The following TMEM151B variants were observed in gnomAD, a reference collection of about 807,000 sequenced individuals.
TMEM151B encodes the protein transmembrane protein 151B, also known as transmembrane protein 193.
Under a neutral mutation model 33.0 loss-of-function variants are expected in TMEM151B, and 18 were observed. The observed-to-expected ratio is 0.55, with a 90% confidence interval of 0.38 to 0.81. TMEM151B has a LOEUF of 0.81. Ranked by LOEUF, TMEM151B falls within the 30% of genes least tolerant of loss-of-function variation. TMEM151B has a pLI of 0.00. For missense variants in TMEM151B, 672 were observed against 843.4 expected (o/e 0.80, Z 2.52); for synonymous variants, 354 against 373.6 (o/e 0.95, Z 0.61).
chr6:44,274,719 G>A (rs1415256377), intron 2 of TMEM151B, among the ~76,000 whole-genome samples: 6 of 152,252 alleles, frequency 3.9e-5, no homozygotes, highest in African/African-American at 1.4e-4. Context: ...TTGTGGTGAT[G>A]TGGGGGCACT....
rs542183426 is a variant in TMEM151B, at chr6:44,273,106, G to A, written c.176G>A (p.Arg59His). The A allele has an allele frequency of 1.7e-5, 26 of 1,514,872 alleles. No homozygotes were observed. In the Admixed American group the frequency reaches 3.8e-4, roughly 22 times the overall value. 93.8% of individuals were successfully genotyped at this position (1,514,872 alleles called of 1,614,324 possible). A position where few individuals can be genotyped will look rare whatever the true frequency, so the allele number is the denominator to read the frequency against. Reference sequence around the variant, plus strand: ...CCCTCTTTCACCAAGTCCCTCTGCCGTGAGTCCCACTGGAAGTGCCTCCTG... The same window carrying A: ...CCCTCTTTCACCAAGTCCCTCTGCCATGAGTCCCACTGGAAGTGCCTCCTG... Reference protein sequence around the residue: ...IQPSFTKSLCRESHWKCLLLS... With the variant: ...IQPSFTKSLCHESHWKCLLLS... The change falls in exon 2 of 3, where the codon CGT becomes CAT. Residue 59 changes from arginine (R) to histidine (H), a missense_variant. Arg to His is a conservative substitution (Grantham distance 29, BLOSUM62 0). Transcript: ENST00000451188.
chr6:44,271,370 G>GGGGGGA (rs1561916711), intron 1 of TMEM151B, among the ~76,000 whole-genome samples: 846 of 61,140 alleles, frequency 0.014, 82 homozygotes, highest in African/African-American at 0.056. Flanking sequence ...TGTGTGTGTG[G>GGGGGGA]GGGGGGGTGT....
Position 44,278,362 on chromosome 6 carries a change from C to T in TMEM151B, c.*1835C>T, listed in dbSNP as rs1170703736. ...TTCCTGGACAGCAGTGCCCACCTGC[C>T]TACTAGCACTGAACCTGCCTGGACC... On this transcript the variant is annotated 3_prime_UTR_variant, in exon 3 of 3. Transcript: ENST00000451188. The T allele has an allele frequency of 6.5e-6, 1 of 153,542 alleles. No homozygotes were observed. Among genetic ancestry groups the T allele is most frequent in the Non-Finnish European group, 1.5e-5 (1 of 68,290 alleles). 9.5% of individuals were successfully genotyped at this position (153,542 alleles called of 1,614,324 possible). A position where few individuals can be genotyped will look rare whatever the true frequency, so the allele number is the denominator to read the frequency against.
rs3175074 is a variant in TMEM151B, at chr6:44,279,312, C to T, written c.*2785C>T. On this transcript the variant is annotated 3_prime_UTR_variant, in exon 3 of 3. Transcript: ENST00000451188. ...TGGGGACAAGGGCTTGTGGGGTGGG[C>T]TGGGCCTGGCTGGGGAGAAGACAGG... 26,673 of 152,442 alleles carry T rather than the reference C, an allele frequency of 0.17. 2,513 individuals are homozygous for T. The highest frequency in any genetic ancestry group is 0.21 in the Non-Finnish European group (14,260 of 68,108). 9.4% of individuals were successfully genotyped at this position (152,442 alleles called of 1,614,324 possible). A position where few individuals can be genotyped will look rare whatever the true frequency, so the allele number is the denominator to read the frequency against.
chr6:44,276,191 C>G lies in TMEM151B; in HGVS notation c.1365C>G (p.Ala455=). 1 of 1,291,690 alleles carries G rather than the reference C, an allele frequency of 7.7e-7. No individual in the cohort carries two copies. Among genetic ancestry groups the G allele is most frequent in the Non-Finnish European group, 9.8e-7 (1 of 1,024,430 alleles). The allele number at this position is 1,291,690 out of a possible 1,614,324, so 80.0% of individuals were successfully genotyped here. A position where few individuals can be genotyped will look rare whatever the true frequency, so the allele number is the denominator to read the frequency against. ...CGCGCAGCGCCCTAAGCATCTGCGC[C>G]AGCCCGCGGGCCGGCCCGGGGCCCG... ...IFSRSALSIC[A]SPRAGPGPGG... The change falls in exon 3 of 3, where the codon GCC becomes GCG. Residue 455 remains alanine (A), a synonymous_variant. Coordinates refer to ENST00000451188, the MANE Select transcript of TMEM151B (RefSeq NM_001137560.2).
chr6:44,273,801 G>A (rs960139251), intron 2 of TMEM151B, among the ~76,000 whole-genome samples: 2 of 152,238 alleles, frequency 1.3e-5, no homozygotes, highest in Admixed American at 1.3e-4. Context: ...GGAAACTGAG[G>A]CCTGGAGAGT....
At chr6:44,271,323 C>T in intron 1 of TMEM151B, among the ~76,000 whole-genome samples, 1 of 139,854 alleles carries the variant, frequency 7.2e-6, no homozygotes, top group Non-Finnish European at 1.5e-5. Flanking sequence ...CAGATGTGTA[C>T]GGGGGGTCCC....
chr6:44,276,112 A>G lies in TMEM151B; in HGVS notation c.1286A>G (p.Tyr429Cys). Residue 429 changes from tyrosine to cysteine, a missense_variant, in exon 3 of 3, where the codon TAC becomes TGC. By Grantham distance (194) the Tyr-to-Cys change is radical. Around this residue, in one of 3 missense-constraint regions of TMEM151B, gnomAD observed 324 missense variants for 363.1 expected, o/e 0.89. Transcript: ENST00000451188. ...GGPGAAGVAP[Y>C]RRSCEHCQRA... ...CCGGGCGCGGCGGGCGTGGCTCCCT[A>G]CCGGCGCAGCTGCGAGCACTGCCAG... is the stretch of plus-strand genomic sequence containing the variant. The G allele has an allele frequency of 7.6e-7, 1 of 1,322,678 alleles. No individual in the cohort carries two copies. The highest frequency in any genetic ancestry group is 9.6e-7 in the Non-Finnish European group (1 of 1,045,194). The allele number at this position is 1,322,678 out of a possible 1,614,324, so 81.9% of individuals were successfully genotyped here. A position where few individuals can be genotyped will look rare whatever the true frequency, so the allele number is the denominator to read the frequency against.
intron 1 of TMEM151B, among the ~76,000 whole-genome samples, chr6:44,271,247 G>C (rs1231167092): frequency 6.6e-6 from 1 of 151,778 alleles, no homozygotes; most frequent in Non-Finnish European, 1.5e-5. Flanking sequence ...GCTTGTACGG[G>C]CTACAGAACG....
In TMEM151B at chr6:44,276,117, C is replaced by T. The variant is rs1583016105; in HGVS notation, c.1291C>T (p.Arg431Cys). ...CGCGGCGGGCGTGGCTCCCTACCGGCGCAGCTGCGAGCACTGCCAGCGCGC... is the reference window on the plus strand; with the variant it reads ...CGCGGCGGGCGTGGCTCCCTACCGGTGCAGCTGCGAGCACTGCCAGCGCGC... Reference protein sequence around the residue: ...PGAAGVAPYRRSCEHCQRAVS... With the variant: ...PGAAGVAPYRCSCEHCQRAVS... The change falls in exon 3 of 3, where the codon CGC (arginine) becomes TGC (cysteine). Residue 431 changes from arginine (R) to cysteine (C), a missense_variant. By Grantham distance (180) the Arg-to-Cys change is radical. Around this residue, in one of 3 missense-constraint regions of TMEM151B, gnomAD observed 324 missense variants for 363.1 expected, o/e 0.89. Transcript: ENST00000451188. 7.6e-7 allele frequency: 1 copy of T among 1,322,004 alleles called. No individual in the cohort carries two copies. 81.9% of individuals were successfully genotyped at this position (1,322,004 alleles called of 1,614,324 possible).
Position 44,276,107 on chromosome 6 carries a change from TC to T in TMEM151B, c.1284del (p.Tyr429ThrfsTer23). ...GCGGCCCGGGCGCGGCGGGCGTGGC[TC>T]CCTACCGGCGCAGCTGCGAGCACTG... ...VGGPGAAGVA[P>X]YRRSCEHCQR... On this transcript the variant is annotated frameshift_variant, in exon 3 of 3. Coordinates refer to ENST00000451188, the MANE Select transcript of TMEM151B (RefSeq NM_001137560.2). LOFTEE classifies it low-confidence loss of function (END_TRUNC). 7.6e-7 allele frequency: 1 copy of T among 1,321,290 alleles called. No individual in the cohort carries two copies. Among genetic ancestry groups the T allele is most frequent in the South Asian group, 2.2e-5 (1 of 44,478 alleles). The allele number at this position is 1,321,290 out of a possible 1,614,324, so 81.8% of individuals were successfully genotyped here.
At position 44,276,147 on chromosome 6, in the gene TMEM151B, A is replaced by G; in HGVS notation, c.1321A>G (p.Ser441Gly). The G allele has an allele frequency of 1.5e-6, 2 of 1,315,378 alleles. No homozygotes were observed. The highest frequency in any genetic ancestry group is 1.9e-6 in the Non-Finnish European group (2 of 1,040,960). 81.5% of individuals were successfully genotyped at this position (1,315,378 alleles called of 1,614,324 possible). Residue 441 changes from serine to glycine, a missense_variant, in exon 3 of 3, where the codon AGC becomes GGC. This residue lies in a region of TMEM151B where 324 missense variants were observed against 363.1 expected (regional missense o/e 0.89). Transcript: ENST00000451188. ...CTGCGAGCACTGCCAGCGCGCCGTC[A>G]GCAGCTCGTCTATCTTCTCGCGCAG... is the stretch of plus-strand genomic sequence containing the variant. ...RSCEHCQRAVSSSSIFSRSAL... is the reference protein window; with the variant it reads ...RSCEHCQRAVGSSSIFSRSAL...
rs1413879323 is a variant in TMEM151B, at chr6:44,278,804, AAAATT to A, written c.*2281_*2285del. On this transcript the variant is annotated 3_prime_UTR_variant, in exon 3 of 3. Transcript: ENST00000451188. ...AAAACCAGAAAATTAATTAATCTCT[AAAATT>A]AAACTTTACACTGAATGTTCTTGTT... The A allele has an allele frequency of 6.6e-6, 1 of 152,180 alleles. No individual in the cohort carries two copies. Among genetic ancestry groups the A allele is most frequent in the Non-Finnish European group, 1.5e-5 (1 of 68,034 alleles). 9.4% of individuals were successfully genotyped at this position (152,180 alleles called of 1,614,324 possible). A position where few individuals can be genotyped will look rare whatever the true frequency, so the allele number is the denominator to read the frequency against.
Position 44,275,561 on chromosome 6 carries a change from C to T in TMEM151B, c.735C>T (p.Ala245=). 1 of 1,550,770 alleles carries T rather than the reference C, an allele frequency of 6.4e-7. No homozygotes were observed. The highest frequency in any genetic ancestry group is 1.2e-5 in the South Asian group (1 of 84,058). ...TKCFSFASVE[A]ENAYLCQRAR... ...GCTTCAGTTTCGCCAGCGTGGAGGC[C>T]GAGAACGCGTACCTGTGCCAGCGCG... Residue 245 remains alanine, a synonymous_variant, in exon 3 of 3, where the codon GCC becomes GCT. Transcript: ENST00000451188.
Position 44,273,213 on chromosome 6 carries a change from G to A in TMEM151B, c.283G>A (p.Ala95Thr), listed in dbSNP as rs774769249. Residue 95 changes from alanine (A) to threonine (T), a missense_variant, in exon 2 of 3, where the codon GCC (alanine) becomes ACC (threonine). Ala to Thr is a moderately conservative substitution (Grantham distance 58, BLOSUM62 0). Coordinates refer to ENST00000451188, the MANE Select transcript of TMEM151B (RefSeq NM_001137560.2). ...TTVTRLTFSS[A>T]YQGNSLMYHD... ...AGTGACGCGCCTCACCTTCAGCAGC[G>A]CCTACCAGGGCAACAGCCTCATGTA... The A allele has an allele frequency of 2.8e-5, 43 of 1,550,206 alleles. No homozygotes were observed. Among genetic ancestry groups the A allele is most frequent in the Admixed American group, 9.8e-5 (5 of 50,966 alleles).
In TMEM151B at chr6:44,273,477, C is replaced by G; in HGVS notation, c.547C>G (p.Arg183Gly). ...CCGCACCCGCCAGGTCACCAGATACCGCAATGGAGACGCCTATACCACCAC... is the reference window on the plus strand; with the variant it reads ...CCGCACCCGCCAGGTCACCAGATACGGCAATGGAGACGCCTATACCACCAC... ...VRRTRQVTRY[R>G]NGDAYTTTQV... Residue 183 changes from arginine to glycine, a missense_variant, in exon 2 of 3, where the codon CGC becomes GGC. Coordinates refer to ENST00000451188, the MANE Select transcript of TMEM151B (RefSeq NM_001137560.2). The G allele has an allele frequency of 6.5e-7, 1 of 1,549,892 alleles. No homozygotes were observed. The highest frequency in any genetic ancestry group is 1.4e-5 in the African/African-American group (1 of 73,162).
chr6:44,278,569 C>T lies in TMEM151B; in HGVS notation c.*2042C>T, dbSNP rs1016564407. On this transcript the variant is annotated 3_prime_UTR_variant, in exon 3 of 3. Coordinates refer to ENST00000451188, the MANE Select transcript of TMEM151B (RefSeq NM_001137560.2). ...CCTCAGGGCTCCAAGGAAGGAGGAA[C>T]GTGGCTCCTCCTCCCTCAGGCCTGT... 1.3e-5 allele frequency: 2 copies of T among 152,200 alleles called. No homozygotes were observed. Among genetic ancestry groups the T allele is most frequent in the East Asian group, 1.9e-4 (1 of 5,192 alleles). The allele number at this position is 152,200 out of a possible 1,614,324, so 9.4% of individuals were successfully genotyped here. A position where few individuals can be genotyped will look rare whatever the true frequency, so the allele number is the denominator to read the frequency against.
intron 2 of TMEM151B, 35 bp downstream of exon 2, chr6:44,273,541 A>C: frequency 2.7e-6 from 4 of 1,502,318 alleles, no homozygotes; most frequent in Non-Finnish European, 2.7e-6. Flanking sequence ...GACATTCAAC[A>C]TGGGAGGTGG....
In TMEM151B at chr6:44,278,786, G is replaced by A. The variant is rs544239813; in HGVS notation, c.*2259G>A. ...TGATTGCCAGGGAAAATGAAAACCA[G>A]AAAATTAATTAATCTCTAAAATTAA... On this transcript the variant is annotated 3_prime_UTR_variant, in exon 3 of 3. Transcript: ENST00000451188. 3.3e-5 allele frequency: 5 copies of A among 152,078 alleles called. No homozygotes were observed. The highest frequency in any genetic ancestry group is 4.4e-5 in the Non-Finnish European group (3 of 68,022). 9.4% of individuals were successfully genotyped at this position (152,078 alleles called of 1,614,324 possible). A position where few individuals can be genotyped will look rare whatever the true frequency, so the allele number is the denominator to read the frequency against.
Sources: allele counts gnomAD v4.1 joint callset (sites outside exome capture counted in the v4.1 genomes callset), GRCh38; gene constraint gnomAD v4.1.1; regional missense constraint gnomAD v4.1.1; transcripts MANE v1.5; gene names NCBI Gene and HGNC (gene_info 2026-07-23, HGNC 2026-07-21).